Variants in WLS observed in about 807,000 individuals in gnomAD.
WLS encodes Wnt ligand secretion mediator.
A neutral mutation model predicts 62.8 loss-of-function variants in WLS; 23 were observed. The ratio of observed to expected loss-of-function variants is 0.37; its 90% CI spans 0.26 to 0.52. The LOEUF is 0.52. Ranked by LOEUF, WLS falls within the 20% of genes least tolerant of loss-of-function variation. The pLI is 0.92. For synonymous variants in WLS, 246 were observed against 244.1 expected (o/e 1.01, Z -0.07); for missense variants, 615 against 697.3 (o/e 0.88, Z 1.33).
chr1:68,162,563 T>C, intron 2 of WLS: 1 of 1,578,244 alleles, frequency 6.3e-7, no homozygotes, highest in Non-Finnish European at 8.7e-7. Context: ...CCACGGATGC[T>C]GGCCGATCCC....
chr1:68,125,393 A>G lies in WLS; in HGVS notation c.*833T>C. 2.0e-6 allele frequency: 2 copies of G among 985,352 alleles called. No homozygotes were observed. The highest frequency in any genetic ancestry group is 2.4e-6 in the Non-Finnish European group (2 of 829,870). The allele number at this position is 985,352 out of a possible 1,614,324, so 61.0% of individuals were successfully genotyped here. On this transcript the variant is annotated 3_prime_UTR_variant, in exon 12 of 12. Transcript: ENST00000262348. ...AGCAGGAGGGGATATGCATGTACAC[A>G]TATGCATATACATACAGGTTTATTT...
chr1:68,177,713 C>T (rs1570956292), intron 2 of WLS, among the ~76,000 whole-genome samples: 1 of 152,204 alleles, frequency 6.6e-6, no homozygotes, highest in South Asian at 2.1e-4. Flanking sequence ...AGGCTGGTCT[C>T]GAACTCCTGG....
chr1:68,157,861 A>G (rs1225138903), intron 3 of WLS, among the ~76,000 whole-genome samples: 2 of 152,170 alleles, frequency 1.3e-5, no homozygotes, highest in African/African-American at 4.8e-5. Context: ...TCCCTTTTCT[A>G]TGGATAAAAT....
intron 1 of WLS, among the ~76,000 whole-genome samples, chr1:68,206,101 A>G (rs1649269981): frequency 6.6e-6 from 1 of 152,212 alleles, no homozygotes; most frequent in African/African-American, 2.4e-5. Flanking sequence ...ATGTAAGTAC[A>G]AGAGAAGTCA....
At chr1:68,120,191 C>T (rs1055391858) in intron 11 of WLS, among the ~76,000 whole-genome samples, 1 of 152,140 alleles carries the variant, frequency 6.6e-6, no homozygotes, top group African/African-American at 2.4e-5. Flanking sequence ...TCATCTCATT[C>T]AGGTGGGGTG....
intron 7 of WLS, 96 bp from the exon 8 acceptor site, chr1:68,148,295 G>A (rs1213550615): frequency 3.1e-6 from 4 of 1,302,786 alleles, no homozygotes; most frequent in African/African-American, 1.5e-5. Flanking sequence ...AGCTGCAGGG[G>A]TGAGGGCTGT....
At chr1:68,151,692 G>A (rs988240239) in intron 5 of WLS, among the ~76,000 whole-genome samples, 2 of 152,184 alleles carry the variant, frequency 1.3e-5, no homozygotes, top group African/African-American at 2.4e-5. Flanking sequence ...CAGGTGTGAA[G>A]GCCCTGGGGT....
At chr1:68,108,712 T>C (rs567282987) in intron 11 of WLS, among the ~76,000 whole-genome samples, 1 of 152,346 alleles carries the variant, frequency 6.6e-6, no homozygotes, top group East Asian at 1.9e-4. Context: ...AATAGCCACA[T>C]GGAGCTAATG....
chr1:68,228,310 G>C (rs1230799746), intron 1 of WLS: 1 of 418,852 alleles, frequency 2.4e-6, no homozygotes, highest in Non-Finnish European at 4.7e-6. Flanking sequence ...CATACTCTTA[G>C]CAGTTTTAGA....
intron 2 of WLS, among the ~76,000 whole-genome samples, chr1:68,173,833 C>G (rs1647190539): frequency 6.6e-6 from 1 of 152,132 alleles, no homozygotes; most frequent in African/African-American, 2.4e-5. Context: ...ATCCCCTGGA[C>G]ACAAGTAAGC....
intron 1 of WLS, among the ~76,000 whole-genome samples, chr1:68,230,663 T>G (rs1650371520): frequency 6.6e-6 from 1 of 152,020 alleles, no homozygotes; most frequent in Non-Finnish European, 1.5e-5. Flanking sequence ...TGGCCCACAC[T>G]GGGGATAAGA....
At chr1:68,177,502 G>A (rs181508377) in intron 2 of WLS, among the ~76,000 whole-genome samples, 1 of 152,170 alleles carries the variant, frequency 6.6e-6, no homozygotes, top group East Asian at 1.9e-4. Flanking sequence ...TTCTATTCAA[G>A]TCCGAGAATA....
rs373666278 is a variant in WLS at position 68,098,805 on chromosome 1, T to C, written c.1511-52A>G. ...CATGCAAAATATCCTTTTAAAAAAA[T>C]ATGTAACATGGAGTTTAGGACCAAG... On this transcript the variant is annotated intron_variant, in intron 11 of 11. Coordinates refer to the WLS transcript ENST00000354777. 2.5e-3 allele frequency: 4,027 copies of C among 1,583,284 alleles called. 15 individuals are homozygous for C. The highest frequency in any genetic ancestry group is 2.4e-3 in the Non-Finnish European group (2,840 of 1,162,026).
chr1:68,213,465 A>T (rs1649602806), intron 1 of WLS, among the ~76,000 whole-genome samples: 1 of 151,458 alleles, frequency 6.6e-6, no homozygotes, highest in South Asian at 2.1e-4. Context: ...AAAAAAAAAA[A>T]AAAAAAGGAA....
chr1:68,167,569 T>C (rs184101342), intron 2 of WLS, among the ~76,000 whole-genome samples: 2 of 152,288 alleles, frequency 1.3e-5, no homozygotes, highest in East Asian at 3.9e-4. Context: ...TGGCACTATA[T>C]TAGAACTTTC....
At chr1:68,213,671 T>C (rs1438114792) in intron 1 of WLS, among the ~76,000 whole-genome samples, 1 of 151,854 alleles carries the variant, frequency 6.6e-6, no homozygotes, top group African/African-American at 2.4e-5. Flanking sequence ...TAAAGGCCCA[T>C]ACCAAACCCC....
At chr1:68,207,155 C>A (rs76913131) in intron 1 of WLS, among the ~76,000 whole-genome samples, 2 of 152,152 alleles carry the variant, frequency 1.3e-5, no homozygotes, top group South Asian at 4.1e-4. Flanking sequence ...GTGAATTATA[C>A]CCCCATAATT....
chr1:68,227,295 G>T (rs190444037), intron 1 of WLS, among the ~76,000 whole-genome samples: 1 of 151,956 alleles, frequency 6.6e-6, no homozygotes, highest in Admixed American at 6.6e-5. Flanking sequence ...GCAGGTGCCT[G>T]TAATCCCAGC....
chr1:68,101,306 C>CTGT (rs1646075122), intron 11 of WLS, among the ~76,000 whole-genome samples: 1 of 151,570 alleles, frequency 6.6e-6, no homozygotes, highest in African/African-American at 2.4e-5. Flanking sequence ...ATCATATTTG[C>CTGT]TATTATTATT....
Sources: allele counts gnomAD v4.1 joint callset (sites outside exome capture counted in the v4.1 genomes callset), GRCh38; gene constraint gnomAD v4.1.1; transcripts MANE v1.5; gene names NCBI Gene and HGNC (gene_info 2026-07-23, HGNC 2026-07-21).